Variants in RBBP7 observed in about 807,000 individuals in gnomAD.
RBBP7 encodes histone-binding protein RBBP7.
A neutral mutation model predicts 35.2 loss-of-function variants in RBBP7; 5 were observed. The observed-to-expected ratio is 0.14, with a 90% confidence interval of 0.07 to 0.30. RBBP7 has a LOEUF of 0.30. RBBP7 is among the 10% of genes least tolerant of loss of function. The pLI is 1.00. For synonymous variants in RBBP7, 140 were observed against 118.7 expected (o/e 1.18, Z -1.17); for missense variants, 155 against 327.5 (o/e 0.47, Z 4.07).
intron 9 of RBBP7, among the ~76,000 whole-genome samples, chrX:16,850,573 G>A (rs1930187773): frequency 1.8e-5 from 2 of 112,427 alleles, no homozygotes; most frequent in African/African-American, 6.5e-5. Flanking sequence ...TGCTTTAAAG[G>A]TTTTCTACAT....
chrX:16,858,545 T>C, intron 4 of RBBP7, 131 bp downstream of exon 4: 2 of 981,457 alleles, frequency 2.0e-6, no homozygotes, highest in Non-Finnish European at 2.7e-6. Flanking sequence ...AACTTGAGGA[T>C]GGTTATGGGA....
At chrX:16,852,211 T>C in intron 8 of RBBP7, 89 bp from the exon 9 acceptor site, 4 of 826,171 alleles carry the variant, frequency 4.8e-6, no homozygotes, top group Non-Finnish European at 1.8e-6. Context: ...TTTCCCATCT[T>C]GCACTCTATT....
intron 9 of RBBP7, among the ~76,000 whole-genome samples, chrX:16,849,922 G>C (rs1486254857): frequency 8.9e-6 from 1 of 111,736 alleles, no homozygotes; most frequent in Non-Finnish European, 1.9e-5. Context: ...ATGTTTTTAT[G>C]GTTTTTCTCT....
At chrX:16,850,078 AT>A (rs1260221288) in intron 9 of RBBP7, among the ~76,000 whole-genome samples, 1 of 112,007 alleles carries the variant, frequency 8.9e-6, no homozygotes, top group African/African-American at 3.2e-5. Flanking sequence ...CAAGTGAGAC[AT>A]TTTTTTCCTT....
At chrX:16,856,542 A>AAACAACAACAACAACAAC (rs79869612) in intron 5 of RBBP7, among the ~76,000 whole-genome samples, 1 of 106,910 alleles carries the variant, frequency 9.4e-6, no homozygotes, top group East Asian at 3.0e-4. Flanking sequence ...AAAACAAACA[A>AAACAACAACAACAACAAC]AACAACAACA....
chrX:16,854,688 G>A (rs1215638571), intron 5 of RBBP7, among the ~76,000 whole-genome samples: 1 of 109,650 alleles, frequency 9.1e-6, no homozygotes, highest in African/African-American at 3.3e-5. Context: ...TCTACTCTGA[G>A]AGGTCAAGGC....
At chrX:16,862,769 TC>T (rs1488023436) in intron 3 of RBBP7, among the ~76,000 whole-genome samples, 185 bp downstream of exon 3, 1 of 112,109 alleles carries the variant, frequency 8.9e-6, no homozygotes, top group Non-Finnish European at 1.9e-5. Flanking sequence ...ACAAGGTTGA[TC>T]CTAATTTTTC....
chrX:16,845,676 G>A (rs1390136395), intron 11 of RBBP7, 152 bp downstream of exon 11: 2 of 1,036,327 alleles, frequency 1.9e-6, no homozygotes, highest in African/African-American at 3.9e-5. Context: ...ACTAAAGATT[G>A]TATTGTTGAA....
intron 2 of RBBP7, among the ~76,000 whole-genome samples, chrX:16,867,975 G>A (rs1229146707): frequency 3.6e-5 from 4 of 111,406 alleles, no homozygotes; most frequent in Admixed American, 9.5e-5. Context: ...GTGAGCCACC[G>A]CACCCAGCCA....
intron 5 of RBBP7, among the ~76,000 whole-genome samples, chrX:16,854,256 A>C (rs1930290533): frequency 9.0e-6 from 1 of 111,644 alleles, no homozygotes; most frequent in Non-Finnish European, 1.9e-5. Flanking sequence ...CAACTATATA[A>C]GTTTGAGGTA....
intron 10 of RBBP7, chrX:16,847,789 C>G (rs1930116972): frequency 9.3e-6 from 1 of 107,679 alleles, no homozygotes; most frequent in Non-Finnish European, 1.9e-5. Flanking sequence ...TGGTCTTGAA[C>G]TTGTGGGCTC....
At position 16,854,314 on chromosome X, in the gene RBBP7, C is replaced by A. The variant is rs1399858973; in HGVS notation, c.598-472G>T. 4.5e-5 allele frequency among the ~76,000 whole-genome samples: 5 copies of A among 111,249 alleles called. No homozygotes were observed. The Admixed American group carries it at 4.8e-4, about 11-fold the overall frequency. ...CAAACAGAAGAGTATGTGGCTGCAG[C>A]CTCCATGTGAGGTGCAGAGGAAAAG... is the stretch of plus-strand genomic sequence containing the variant. On this transcript the variant is annotated intron_variant, in intron 5 of 11. Transcript: ENST00000380087.
intron 1 of RBBP7, 167 bp downstream of exon 1, chrX:16,869,871 G>A (rs1160472431): frequency 2.2e-5 from 18 of 827,431 alleles, no homozygotes; most frequent in South Asian, 6.5e-5. Flanking sequence ...CCCTCGGCGC[G>A]GCGGTCCCGT....
At chrX:16,867,164 C>CTTTA (rs1305962081) in intron 2 of RBBP7, among the ~76,000 whole-genome samples, 1 of 111,608 alleles carries the variant, frequency 9.0e-6, no homozygotes. Context: ...GCACCAGGCA[C>CTTTA]TTTAACATGC....
At chrX:16,863,327 A>T (rs1930520652) in intron 2 of RBBP7, among the ~76,000 whole-genome samples, 1 of 111,924 alleles carries the variant, frequency 8.9e-6, no homozygotes, top group African/African-American at 3.3e-5. Flanking sequence ...TCTTTCCCAA[A>T]GAGCCATCCT....
intron 3 of RBBP7, among the ~76,000 whole-genome samples, chrX:16,861,895 C>T (rs1440605648): frequency 2.4e-4 from 27 of 111,593 alleles, no homozygotes; most frequent in Admixed American, 2.4e-3. Flanking sequence ...CAATGGACCG[C>T]GTTGTACCAG....
At chrX:16,866,356 T>C (rs1289734696) in intron 2 of RBBP7, among the ~76,000 whole-genome samples, 3 of 107,043 alleles carry the variant, frequency 2.8e-5, no homozygotes. Flanking sequence ...TGAAACCCTG[T>C]CTTTACCAAA....
chrX:16,860,286 G>T (rs1432366147), intron 3 of RBBP7, among the ~76,000 whole-genome samples: 1 of 83,111 alleles, frequency 1.2e-5, no homozygotes, highest in African/African-American at 4.9e-5. Context: ...AAAAAAAGGG[G>T]GGGGGGCGGG....
chrX:16,855,096 C>T (rs1170711576), intron 5 of RBBP7, among the ~76,000 whole-genome samples: 1 of 103,086 alleles, frequency 9.7e-6, no homozygotes, highest in African/African-American at 3.6e-5. Context: ...CTTGCCTAGG[C>T]TGGAATGCAA....
Sources: gnomAD v4.1 joint callset for allele counts (sites outside exome capture counted in the v4.1 genomes callset) on GRCh38, gnomAD v4.1.1 for gene constraint, MANE v1.5 for transcripts, NCBI Gene and HGNC (gene_info 2026-07-23, HGNC 2026-07-21) for gene names.